SUGCT: variants seen among roughly 807,000 people sequenced by gnomAD.
The protein encoded by SUGCT is succinyl-CoA:glutarate-CoA transferase, also known as succinyl-CoA:glutarate CoA-transferase.
In SUGCT, 41 loss-of-function variants were observed where a neutral mutation model predicts 55.0. The ratio of observed to expected loss-of-function variants is 0.74; its 90% CI spans 0.58 to 0.97. The LOEUF (loss-of-function observed/expected upper bound fraction) is 0.97, where lower values mean the gene tolerates loss of function less well. SUGCT is among the 50% of genes least tolerant of loss of function. The probability of loss-of-function intolerance (pLI) is 0.00; values close to 1 mark genes in which losing one functional copy is unlikely to be tolerated. For missense variants in SUGCT, 568 were observed against 547.8 expected (o/e 1.04, Z -0.37); for synonymous variants, 187 against 200.4 (o/e 0.93, Z 0.56).
chr7:40,697,165 C>G (rs889330467), intron 12 of SUGCT, among the ~76,000 whole-genome samples: 3 of 152,142 alleles, frequency 2.0e-5, no homozygotes, highest in African/African-American at 4.8e-5. Flanking sequence ...AAACTCAACT[C>G]CCTGTTTAAA....
intron 7 of SUGCT, among the ~76,000 whole-genome samples, chr7:40,254,783 A>C (rs1452396995): frequency 6.6e-6 from 1 of 151,998 alleles, no homozygotes; most frequent in African/African-American, 2.4e-5. Context: ...CTATCATTCA[A>C]ATGCCTTTTA....
intron 8 of SUGCT, among the ~76,000 whole-genome samples, chr7:40,302,419 A>G (rs13233893): frequency 0.12 from 17,881 of 152,238 alleles, 1,298 homozygotes; most frequent in Non-Finnish European, 0.17. Context: ...CAGAAATGCA[A>G]TATGAAAGGT....
At chr7:40,947,057 T>C in the SUGCT span, among the ~76,000 whole-genome samples, 47 of 152,314 alleles carry the variant, frequency 3.1e-4, no homozygotes, top group Non-Finnish European at 4.4e-4. Flanking sequence ...TTTCTGCCTT[T>C]TTCTCTTCTC....
In SUGCT at chr7:40,242,928, TATA is replaced by T. The variant is rs1185886567; in HGVS notation, c.576+5203_576+5205del. ...TGGCATATATATATATATATATATA[TATA>T]TATTTTTTTTTTTTTTTTTTTTTTT... On this transcript the variant is annotated intron_variant, in intron 7 of 13. Transcript: ENST00000335693. Among the ~76,000 whole-genome samples, 307 of 36,872 alleles carry T rather than the reference TATA, an allele frequency of 8.3e-3. 9 individuals carry two copies. The highest frequency in any genetic ancestry group is 0.012 in the Non-Finnish European group (235 of 19,172). 24.2% of individuals were successfully genotyped at this position (36,872 alleles called of 152,430 possible). A position where few individuals can be genotyped will look rare whatever the true frequency, so the allele number is the denominator to read the frequency against.
intron 6 of SUGCT, among the ~76,000 whole-genome samples, chr7:40,227,560 C>A (rs1788454062): frequency 6.6e-6 from 1 of 152,016 alleles, no homozygotes; most frequent in African/African-American, 2.4e-5. Flanking sequence ...GAGATGGGGT[C>A]CTGGGCTCAA....
rs78548601 is a variant in SUGCT, at chr7:40,634,958, A to T, written c.1090-114476A>T. ...AAGACTCTAATTAGGAGAATAAATA[A>T]TAGATCGAACGCAGTTGAAGTGACA... is the stretch of plus-strand genomic sequence containing the variant. On this transcript the variant is annotated intron_variant, in intron 12 of 13. Coordinates refer to ENST00000335693, the MANE Select transcript of SUGCT (RefSeq NM_001193313.2). Among the ~76,000 whole-genome samples the T allele has an allele frequency of 1.9e-4, 29 of 152,296 alleles. No homozygotes were observed. The East Asian group carries it at 5.4e-3, about 28-fold the overall frequency.
chr7:40,255,385 G>C (rs1365461976), intron 7 of SUGCT, among the ~76,000 whole-genome samples: 1 of 151,766 alleles, frequency 6.6e-6, no homozygotes, highest in African/African-American at 2.4e-5. Flanking sequence ...GCTGAGGCTG[G>C]GCACAGTGGC....
At chr7:40,995,173 A>C in the SUGCT span, among the ~76,000 whole-genome samples, 2 of 152,160 alleles carry the variant, frequency 1.3e-5, no homozygotes, top group Non-Finnish European at 2.9e-5. Flanking sequence ...GGGCCTGGGA[A>C]TAGAGATGAC....
intron 9 of SUGCT, among the ~76,000 whole-genome samples, chr7:40,396,748 A>G (rs1227618723): frequency 6.6e-6 from 1 of 152,176 alleles, no homozygotes; most frequent in Non-Finnish European, 1.5e-5. Flanking sequence ...GCACCTGTTG[A>G]AGAGAGTATT....
rs1184122556 is a variant in SUGCT, at chr7:40,614,050, G to A, written c.1089+117664G>A. ...GGTTTTTAGTCTCCACTCTCTGAAAGCCTACCATTTAATTCAGGGAATTAC... is the reference window on the plus strand; with the variant it reads ...GGTTTTTAGTCTCCACTCTCTGAAAACCTACCATTTAATTCAGGGAATTAC... On this transcript the variant is annotated intron_variant, in intron 12 of 13. Coordinates refer to ENST00000335693, the MANE Select transcript of SUGCT (RefSeq NM_001193313.2). Among the ~76,000 whole-genome samples the A allele has an allele frequency of 2.6e-5, 4 of 151,976 alleles. No individual in the cohort carries two copies. The East Asian group carries it at 7.7e-4, about 29-fold the overall frequency.
intron 7 of SUGCT, among the ~76,000 whole-genome samples, chr7:40,271,523 TGAG>T (rs1792013275): frequency 6.6e-6 from 1 of 152,158 alleles, no homozygotes; most frequent in Non-Finnish European, 1.5e-5. Flanking sequence ...TTTATTAGGT[TGAG>T]AAGTTTCATT....
intron 13 of SUGCT, among the ~76,000 whole-genome samples, chr7:40,846,313 T>A (rs978462744): frequency 2.4e-4 from 36 of 152,056 alleles, no homozygotes; most frequent in African/African-American, 8.0e-4. Flanking sequence ...AGCAAGGTGT[T>A]TCTTCACCCT....
At chr7:40,466,964 G>A (rs553237404) in intron 11 of SUGCT, among the ~76,000 whole-genome samples, 4 of 152,184 alleles carry the variant, frequency 2.6e-5, no homozygotes, top group South Asian at 4.1e-4. Context: ...AGCACTTTGG[G>A]AGACTGAGGC....
rs143841886 is a variant in SUGCT, at chr7:40,480,982, A to G, written c.987-15302A>G. 5.4e-3 allele frequency among the ~76,000 whole-genome samples: 815 copies of G among 152,260 alleles called. 12 individuals are homozygous for G. Among genetic ancestry groups the G allele is most frequent in the African/African-American group, 0.018 (760 of 41,536 alleles). ...TACTTCATGTAGACACATAGATATAATATGACCATTAAACATGGGGGCAGC... is the reference window on the plus strand; with the variant it reads ...TACTTCATGTAGACACATAGATATAGTATGACCATTAAACATGGGGGCAGC... On this transcript the variant is annotated intron_variant, in intron 11 of 13. Coordinates refer to ENST00000335693, the MANE Select transcript of SUGCT (RefSeq NM_001193313.2).
chr7:40,868,216 C>A, the SUGCT span, among the ~76,000 whole-genome samples: 1 of 152,018 alleles, frequency 6.6e-6, no homozygotes, highest in South Asian at 2.1e-4. Flanking sequence ...AACAAAAATA[C>A]GGGATACATG....
At chr7:40,450,036 C>A (rs1405720210) in intron 10 of SUGCT, among the ~76,000 whole-genome samples, 1 of 152,178 alleles carries the variant, frequency 6.6e-6, no homozygotes, top group East Asian at 1.9e-4. Context: ...CCAAGCGATT[C>A]TCCTGCCTCA....
the SUGCT span, among the ~76,000 whole-genome samples, chr7:40,935,281 A>G: frequency 4.6e-5 from 7 of 152,242 alleles, no homozygotes; most frequent in East Asian, 1.4e-3. Flanking sequence ...TCACCCTTTG[A>G]TAGTATACAA....
intron 12 of SUGCT, among the ~76,000 whole-genome samples, chr7:40,685,059 G>C (rs538560916): frequency 1.3e-4 from 19 of 151,878 alleles, no homozygotes; most frequent in African/African-American, 4.6e-4. Context: ...GTTTTACCAT[G>C]TTGGTCAGGC....
At chr7:40,315,160 A>T (rs907746242) in intron 8 of SUGCT, among the ~76,000 whole-genome samples, 2 of 152,214 alleles carry the variant, frequency 1.3e-5, no homozygotes, top group African/African-American at 4.8e-5. Flanking sequence ...CCAAGACTTT[A>T]TAGAGAATGT....
Sources: gnomAD v4.1 joint callset for allele counts (sites outside exome capture counted in the v4.1 genomes callset) on GRCh38, gnomAD v4.1.1 for gene constraint, MANE v1.5 for transcripts, NCBI Gene and HGNC (gene_info 2026-07-23, HGNC 2026-07-21) for gene names.